TRAPPC8: variants seen among roughly 807,000 people sequenced by gnomAD.
The protein encoded by TRAPPC8 is trafficking protein particle complex subunit 8, also known as general sporulation gene 1 homolog.
Under a neutral mutation model 174.3 loss-of-function variants are expected in TRAPPC8, and 54 were observed. The ratio of observed to expected loss-of-function variants is 0.31; its 90% confidence interval spans 0.25 to 0.39. TRAPPC8 has a LOEUF of 0.39. TRAPPC8 is among the 10% of genes least tolerant of loss of function. The probability of loss-of-function intolerance (pLI) is 1.00; values close to 1 mark genes in which losing one functional copy is unlikely to be tolerated. For missense variants in TRAPPC8, 1,531 were observed against 1,699.1 expected, an observed-to-expected ratio of 0.90 and a Z score of 1.74; for synonymous variants, 630 against 579.9, an observed-to-expected ratio of 1.09 and a Z score of -1.24.
intron 20 of TRAPPC8, among the ~76,000 whole-genome samples, chr18:31,856,697 T>G (rs2145096093): frequency 6.6e-6 from 1 of 152,288 alleles, no homozygotes; most frequent in African/African-American, 2.4e-5. Context: ...ACATTCAGTT[T>G]GTGTTCTCTA....
chr18:31,883,485 C>T (rs2035559981), intron 12 of TRAPPC8: 3 of 152,248 alleles, frequency 2.0e-5, no homozygotes, highest in Non-Finnish European at 2.9e-5. Flanking sequence ...CACATCTCTA[C>T]ATCAAAATAA....
chr18:31,899,245 C>T (rs1397028680), intron 10 of TRAPPC8, among the ~76,000 whole-genome samples: 1 of 152,176 alleles, frequency 6.6e-6, no homozygotes, highest in Non-Finnish European at 1.5e-5. Flanking sequence ...GATTCCAAAA[C>T]CATTTATCCC....
intron 25 of TRAPPC8, among the ~76,000 whole-genome samples, 180 bp downstream of exon 25, chr18:31,849,381 GAATGT>G (rs976935460): frequency 1.3e-5 from 2 of 151,638 alleles, no homozygotes; most frequent in Non-Finnish European, 2.9e-5. Flanking sequence ...TAACACAGAA[GAATGT>G]TATCTAATTT....
At chr18:31,846,848 G>T in intron 25 of TRAPPC8, 31 bp from the exon 26 acceptor site, 1 of 1,527,902 alleles carries the variant, frequency 6.5e-7, no homozygotes, top group Non-Finnish European at 9.0e-7. Flanking sequence ...AAACGTTACC[G>T]TGCTTGACAG....
At chr18:31,909,086 GAA>G (rs549294414) in intron 6 of TRAPPC8, 76 bp from the exon 7 acceptor site, 62 of 957,886 alleles carry the variant, frequency 6.5e-5, no homozygotes, top group South Asian at 1.9e-4. Context: ...TACTGCTAAA[GAA>G]AAAAAAAAAG....
Position 31,931,249 on chromosome 18 carries a change from T to C in TRAPPC8, c.352+80A>G, listed in dbSNP as rs1003587679. 3.8e-6 allele frequency: 5 copies of C among 1,307,032 alleles called. No homozygotes were observed. The African/African-American group carries it at 7.4e-5, about 19-fold the overall frequency. 81.0% of individuals were successfully genotyped at this position (1,307,032 alleles called of 1,614,324 possible). A position where few individuals can be genotyped will look rare whatever the true frequency, so the allele number is the denominator to read the frequency against. On this transcript the variant is annotated intron_variant, in intron 2 of 28. Coordinates refer to ENST00000283351, the MANE Select transcript of TRAPPC8 (RefSeq NM_014939.5). ...TAGTAAACTCTTAAATACATGTTGA[T>C]CATCTCCCAAGTCATAGAATCGCTT...
chr18:31,942,557 C>A, intron 1 of TRAPPC8, 51 bp downstream of exon 1: 2 of 1,479,836 alleles, frequency 1.4e-6, no homozygotes, highest in East Asian at 2.6e-5. Flanking sequence ...ACTTCCTTCT[C>A]CCGACCACGG....
intron 12 of TRAPPC8, among the ~76,000 whole-genome samples, chr18:31,884,075 G>C (rs560367638): frequency 6.6e-6 from 1 of 152,276 alleles, no homozygotes; most frequent in Non-Finnish European, 1.5e-5. Context: ...TGTAATCCCA[G>C]CTACTCGAGA....
At chr18:31,942,320 C>G (rs1371104158) in intron 1 of TRAPPC8, among the ~76,000 whole-genome samples, 1 of 152,214 alleles carries the variant, frequency 6.6e-6, no homozygotes, top group Non-Finnish European at 1.5e-5. Context: ...GTCTCAATGC[C>G]GTTCTCGAAG....
chr18:31,868,221 G>A (rs921626200), intron 16 of TRAPPC8, among the ~76,000 whole-genome samples: 2 of 152,004 alleles, frequency 1.3e-5, no homozygotes, highest in Non-Finnish European at 2.9e-5. Flanking sequence ...CCTCATAAAC[G>A]CTATTATACT....
chr18:31,898,180 ATTTT>A (rs1288876660), intron 10 of TRAPPC8, among the ~76,000 whole-genome samples: 1 of 152,008 alleles, frequency 6.6e-6, no homozygotes, highest in South Asian at 2.1e-4. Context: ...GTTATACTTT[ATTTT>A]TTATTTGTAT....
chr18:31,872,861 C>A (rs1026150727), intron 14 of TRAPPC8, among the ~76,000 whole-genome samples: 11 of 151,972 alleles, frequency 7.2e-5, no homozygotes, highest in African/African-American at 2.7e-4. Context: ...CAAAAGCATT[C>A]TTTAAGTGAG....
At position 31,829,455 on chromosome 18, in the gene TRAPPC8, C is replaced by T. The variant is rs1376003137; in HGVS notation, c.*1300G>A. ...CCTTCCTCTCCAACTTGTCCCACAC[C>T]TGCTAAGACACAGAGTGGAAGGAGC... On this transcript the variant is annotated 3_prime_UTR_variant, in exon 29 of 29. Coordinates refer to ENST00000283351, the MANE Select transcript of TRAPPC8 (RefSeq NM_014939.5). The T allele has an allele frequency of 6.6e-6, 1 of 152,184 alleles. No individual in the cohort carries two copies. The highest frequency in any genetic ancestry group is 2.4e-5 in the African/African-American group (1 of 41,422). The allele number at this position is 152,184 out of a possible 1,614,324, so 9.4% of individuals were successfully genotyped here.
chr18:31,872,004 G>A (rs1007035700), intron 14 of TRAPPC8, among the ~76,000 whole-genome samples: 1 of 151,690 alleles, frequency 6.6e-6, no homozygotes, highest in African/African-American at 2.4e-5. Context: ...GATTTAGGGG[G>A]TACAAGTTAT....
At chr18:31,867,608 G>C in intron 16 of TRAPPC8, 132 bp from the exon 17 acceptor site, 1 of 652,784 alleles carries the variant, frequency 1.5e-6, no homozygotes, top group Non-Finnish European at 2.7e-6. Flanking sequence ...ACCACATGCT[G>C]AGCTCTACAC....
In TRAPPC8 at chr18:31,878,124, G is replaced by T. The variant is rs143833318; in HGVS notation, c.1729-3420C>A. On this transcript the variant is annotated intron_variant, in intron 12 of 28. Transcript: ENST00000283351. ...CCCGTTTTGGTGGAAGTGTACTCTG[G>T]TCAGAGCCTAATGGACAAAGTCTAC... is the stretch of plus-strand genomic sequence containing the variant. 7.2e-3 allele frequency among the ~76,000 whole-genome samples: 1,101 copies of T among 152,156 alleles called. 14 individuals carry two copies. Among genetic ancestry groups the T allele is most frequent in the African/African-American group, 0.025 (1,056 of 41,506 alleles).
intron 5 of TRAPPC8, among the ~76,000 whole-genome samples, chr18:31,910,979 C>T (rs1240552291): frequency 6.6e-6 from 1 of 152,148 alleles, no homozygotes; most frequent in East Asian, 1.9e-4. Flanking sequence ...TTTTCCCCAG[C>T]ATTATCTTAA....
chr18:31,864,002 T>C, intron 19 of TRAPPC8, among the ~76,000 whole-genome samples: 1 of 147,484 alleles, frequency 6.8e-6, no homozygotes, highest in Non-Finnish European at 1.5e-5. Flanking sequence ...ATTATAATAC[T>C]TTATTATAAT....
intron 2 of TRAPPC8, among the ~76,000 whole-genome samples, chr18:31,927,010 GAA>G (rs2037644846): frequency 1.3e-5 from 2 of 152,130 alleles, no homozygotes; most frequent in African/African-American, 4.8e-5. Flanking sequence ...AATACCCGAG[GAA>G]AAGACTACAG....
Sources: allele counts gnomAD v4.1 joint callset (sites outside exome capture counted in the v4.1 genomes callset), GRCh38; gene constraint gnomAD v4.1.1; transcripts MANE v1.5; gene names NCBI Gene and HGNC (gene_info 2026-07-23, HGNC 2026-07-21).